ZNF90: variants seen among roughly 807,000 people sequenced by gnomAD.
ZNF90 encodes zinc finger protein HTF9.
A neutral mutation model predicts 12.0 loss-of-function variants in ZNF90; 11 were observed. The ratio of observed to expected loss-of-function variants is 0.92; its 90% CI spans 0.58 to 1.52. The LOEUF is 1.52. Ranked by LOEUF, ZNF90 falls within the 40% of genes most tolerant of loss-of-function variation. The pLI is 0.00. For synonymous variants in ZNF90, 232 were observed against 240.1 expected (o/e 0.97, Z 0.31); for missense variants, 765 against 711.5 (o/e 1.08, Z -0.86).
At position 20,119,401 on chromosome 19, in the gene ZNF90, T is replaced by A; in HGVS notation, c.*41T>A. The A allele has an allele frequency of 6.6e-7, 1 of 1,506,468 alleles. No homozygotes were observed. The highest frequency in any genetic ancestry group is 9.0e-7 in the Non-Finnish European group (1 of 1,117,038). The allele number at this position is 1,506,468 out of a possible 1,614,324, so 93.3% of individuals were successfully genotyped here. Reference sequence around the variant, plus strand: ...TTAATAAACATAAGATAATTCATACTGGAGAGAAACCGTATAAATGTGATG... The same window carrying A: ...TTAATAAACATAAGATAATTCATACAGGAGAGAAACCGTATAAATGTGATG... On this transcript the variant is annotated 3_prime_UTR_variant, in exon 4 of 4. Coordinates refer to ENST00000418063, the MANE Select transcript of ZNF90 (RefSeq NM_007138.2).
chr19:20,078,206 G>A, intron 1 of ZNF90, 71 bp downstream of exon 1: 1 of 1,598,750 alleles, frequency 6.3e-7, no homozygotes, highest in Non-Finnish European at 8.6e-7. Context: ...TGGCTGTGGC[G>A]GGACTTAGGC....
At chr19:20,100,732 C>T (rs1460845266) in intron 1 of ZNF90, among the ~76,000 whole-genome samples, 5 of 152,220 alleles carry the variant, frequency 3.3e-5, no homozygotes, top group African/African-American at 1.2e-4. Context: ...CCTATGCCTG[C>T]TAAGAATTCC....
At chr19:20,101,064 G>C (rs1326616792) in intron 1 of ZNF90, among the ~76,000 whole-genome samples, 1 of 152,018 alleles carries the variant, frequency 6.6e-6, no homozygotes, top group African/African-American at 2.4e-5. Flanking sequence ...CTCCAGCTGA[G>C]CTTTCACTTG....
rs782791926 is a variant in ZNF90, at chr19:20,118,713, CATAAG to C, written c.1165_1169del (p.Ile389SerfsTer2). On this transcript the variant is annotated frameshift_variant, in exon 4 of 4. Transcript: ENST00000418063. LOFTEE classifies it low-confidence loss of function (END_TRUNC). ...TATTTCATCCTCACTCCTTTATAAA[CATAAG>C]ATAAGTCATAGTGAAAAGAAACCCT... 1.1e-5 allele frequency: 17 copies of C among 1,564,812 alleles called. No homozygotes were observed. The highest frequency in any genetic ancestry group is 3.6e-5 in the Admixed American group (2 of 56,082).
Position 20,106,044 on chromosome 19 carries a change from C to CATTTTTT in ZNF90, c.226+728_226+729insATTTTTT, listed in dbSNP as rs1555704366. The stretch of plus-strand genomic sequence containing the variant: ...TTATTTGGAACTTCTCTAATTTTTT[C>CATTTTTT]TTTTTTTTTTTTTTTTTTTTTTTGG... On this transcript the variant is annotated intron_variant, in intron 3 of 3. Transcript: ENST00000418063. Among the ~76,000 whole-genome samples the CATTTTTT allele has an allele frequency of 2.5e-3, 181 of 71,054 alleles. 9 individuals carry two copies. The highest frequency in any genetic ancestry group is 8.6e-3 in the African/African-American group (162 of 18,802). The allele number at this position is 71,054 out of a possible 152,430, so 46.6% of individuals were successfully genotyped here.
intron 1 of ZNF90, chr19:20,079,912 T>G (rs1599637302): frequency 2.4e-6 from 1 of 421,916 alleles, no homozygotes; most frequent in African/African-American, 2.1e-5. Flanking sequence ...ATTTTGGCAT[T>G]CTTTTTCCTT....
At chr19:20,101,952 T>A (rs936170340) in intron 1 of ZNF90, among the ~76,000 whole-genome samples, 7 of 152,220 alleles carry the variant, frequency 4.6e-5, no homozygotes, top group African/African-American at 1.7e-4. Flanking sequence ...GAAAAATATT[T>A]CTTTCCTATA....
At chr19:20,108,026 A>T (rs2089054607) in intron 3 of ZNF90, among the ~76,000 whole-genome samples, 1 of 152,082 alleles carries the variant, frequency 6.6e-6, no homozygotes, top group Admixed American at 6.6e-5. Context: ...AAAAATATAT[A>T]TTTTTTCTAT....
At position 20,117,834 on chromosome 19, in the gene ZNF90, T is replaced by G; in HGVS notation, c.280T>G (p.Ser94Ala). The G allele has an allele frequency of 6.3e-7, 1 of 1,596,478 alleles. No individual in the cohort carries two copies. Among genetic ancestry groups the G allele is most frequent in the South Asian group, 1.1e-5 (1 of 87,950 alleles). Residue 94 changes from serine to alanine, a missense_variant, in exon 4 of 4, where the codon TCC becomes GCC. By Grantham distance (99) the Ser-to-Ala change is moderately conservative. Transcript: ENST00000418063. ...DLCPEQSLKD[S>A]FQKVIVTRYE... ...TTGTCCAGAGCAGAGCCTAAAAGAT[T>G]CCTTCCAAAAAGTGATAGTGACAAG...
intron 1 of ZNF90, among the ~76,000 whole-genome samples, chr19:20,099,426 C>T (rs943240894): frequency 1.3e-5 from 2 of 152,036 alleles, no homozygotes; most frequent in Non-Finnish European, 2.9e-5. Context: ...TGGTTTTTTC[C>T]CTCAATCACA....
At chr19:20,101,155 C>T (rs547559376) in intron 1 of ZNF90, among the ~76,000 whole-genome samples, 1 of 152,170 alleles carries the variant, frequency 6.6e-6, no homozygotes, top group Non-Finnish European at 1.5e-5. Context: ...GCAGGGTGTC[C>T]GCTGTGCTCC....
chr19:20,111,321 G>C (rs1359654497), intron 3 of ZNF90, among the ~76,000 whole-genome samples: 1 of 152,034 alleles, frequency 6.6e-6, no homozygotes. Flanking sequence ...CCAAATTCAG[G>C]TGATGATCTC....
chr19:20,081,142 A>G lies in ZNF90; in HGVS notation c.3+3007A>G, dbSNP rs77739364. ...ACACACACTAGACATAGACGTGCCC[A>G]TACTCCTCCCAGGACTAGGCACCAC... On this transcript the variant is annotated intron_variant, in intron 1 of 3. Coordinates refer to ENST00000418063, the MANE Select transcript of ZNF90 (RefSeq NM_007138.2). Among the ~76,000 whole-genome samples, 206 of 152,250 alleles carry G rather than the reference A, an allele frequency of 1.4e-3. 1 individual carries two copies. In the East Asian group the frequency reaches 0.036, roughly 26 times the overall value.
chr19:20,119,492 C>T lies in ZNF90; in HGVS notation c.*132C>T, dbSNP rs1453274501. On this transcript the variant is annotated 3_prime_UTR_variant, in exon 4 of 4. Coordinates refer to ENST00000418063, the MANE Select transcript of ZNF90 (RefSeq NM_007138.2). Reference sequence around the variant, plus strand: ...ATATGAGAATTTATATGAAACATAACTCCTACAAAAATAAAGAATGTGACA... The same window carrying T: ...ATATGAGAATTTATATGAAACATAATTCCTACAAAAATAAAGAATGTGACA... 1.3e-6 allele frequency: 1 copy of T among 773,568 alleles called. No individual in the cohort carries two copies. The highest frequency in any genetic ancestry group is 2.0e-6 in the Non-Finnish European group (1 of 491,086). 47.9% of individuals were successfully genotyped at this position (773,568 alleles called of 1,614,324 possible). A position where few individuals can be genotyped will look rare whatever the true frequency, so the allele number is the denominator to read the frequency against.
At chr19:20,078,945 C>T (rs1568280535) in intron 1 of ZNF90, among the ~76,000 whole-genome samples, 1 of 151,872 alleles carries the variant, frequency 6.6e-6, no homozygotes, top group Non-Finnish European at 1.5e-5. Context: ...CGTGGTGAAA[C>T]CTCTCTCTAC....
intron 1 of ZNF90, among the ~76,000 whole-genome samples, chr19:20,083,805 T>A (rs1255688324): frequency 1.3e-5 from 2 of 152,210 alleles, no homozygotes; most frequent in Non-Finnish European, 2.9e-5. Flanking sequence ...TAGAGTGCTG[T>A]GGCATGATAC....
intron 1 of ZNF90, among the ~76,000 whole-genome samples, chr19:20,092,669 T>C (rs925703372): frequency 6.6e-6 from 1 of 152,168 alleles, no homozygotes; most frequent in Non-Finnish European, 1.5e-5. Flanking sequence ...AAGGAGTTGT[T>C]GTTTTGTAGA....
At chr19:20,110,301 T>G (rs776969893) in intron 3 of ZNF90, among the ~76,000 whole-genome samples, 1 of 152,098 alleles carries the variant, frequency 6.6e-6, no homozygotes, top group African/African-American at 2.4e-5. Context: ...TTTTTTGAGA[T>G]GGAGTCTTGC....
At chr19:20,114,404 T>G (rs534295135) in intron 3 of ZNF90, among the ~76,000 whole-genome samples, 27 of 152,336 alleles carry the variant, frequency 1.8e-4, no homozygotes, top group Admixed American at 1.6e-3. Flanking sequence ...CAACTACCAA[T>G]TCTTCCCATT....
Sources: gnomAD v4.1 joint callset for allele counts (sites outside exome capture counted in the v4.1 genomes callset) on GRCh38, gnomAD v4.1.1 for gene constraint, MANE v1.5 for transcripts, NCBI Gene and HGNC (gene_info 2026-07-23, HGNC 2026-07-21) for gene names.